ASXL3: variants seen among roughly 807,000 people sequenced by gnomAD.
The protein encoded by ASXL3 is putative Polycomb group protein ASXL3.
ASXL3 carries 34 observed loss-of-function variants against 170.6 expected under a neutral mutation model. That is an observed-to-expected ratio of 0.20 (90% CI 0.15 to 0.27). ASXL3 has a LOEUF of 0.27. Among genes scored for constraint, ASXL3 ranks in the 10% least tolerant of loss-of-function variants. The probability of loss-of-function intolerance (pLI) is 1.00; values close to 1 mark genes in which losing one functional copy is unlikely to be tolerated. For synonymous variants in ASXL3, 1,002 were observed against 989.1 expected (o/e 1.01, Z -0.24); for missense variants, 2,592 against 2,695.3 (o/e 0.96, Z 0.85).
At chr18:33,718,740 T>G (rs975719789) in intron 8 of ASXL3, among the ~76,000 whole-genome samples, 14 of 151,980 alleles carry the variant, frequency 9.2e-5, no homozygotes, top group African/African-American at 3.4e-4. Flanking sequence ...GGAGAATATT[T>G]CTGCCCCTTT....
rs1196764678 is a variant in ASXL3, at chr18:33,671,840, T to C, written c.689T>C (p.Leu230Ser). 5 of 1,609,496 alleles carry C rather than the reference T, an allele frequency of 3.1e-6. No homozygotes were observed. The highest frequency in any genetic ancestry group is 4.2e-6 in the Non-Finnish European group (5 of 1,177,918). The change falls in exon 7 of 12, where the codon TTA becomes TCA. Residue 230 changes from leucine (L) to serine (S), a missense_variant. Leu to Ser is a moderately radical substitution (Grantham distance 145, BLOSUM62 -2). This residue lies in a region of ASXL3 where 251 missense variants were observed against 281.9 expected (regional missense o/e 0.89). Coordinates refer to ENST00000269197, the MANE Select transcript of ASXL3 (RefSeq NM_030632.3). ...ACTGGAAAACAAACAAGTCAGCACT[T>C]AAAACGATTAAAAAAGTCTGGTTTA... ...SPTGKQTSQH[L>S]KRLKKSGLGH...
In ASXL3 at chr18:33,743,904, C is replaced by G. The variant is rs1251520457; in HGVS notation, c.4056C>G (p.Asn1352Lys). The change falls in exon 12 of 12, where the codon AAC becomes AAG. Residue 1352 changes from asparagine (N) to lysine (K), a missense_variant. Physicochemically the swap from Asn to Lys is moderately conservative, Grantham distance 94. This residue lies in a region of ASXL3 where 2,246 missense variants were observed against 2,219.6 expected (regional missense o/e 1.01). Transcript: ENST00000269197. Reference protein sequence around the residue: ...PTPSIGNNLPNLSTSSVLIPP... With the variant: ...PTPSIGNNLPKLSTSSVLIPP... ...CCTCCATCGGAAACAATTTGCCAAA[C>G]CTCTCCACTAGCTCTGTCTTGATTC... The G allele has an allele frequency of 6.2e-7, 1 of 1,614,014 alleles. No homozygotes were observed. The highest frequency in any genetic ancestry group is 1.1e-5 in the South Asian group (1 of 91,084).
chr18:33,721,435 T>C (rs1401304735), intron 8 of ASXL3, among the ~76,000 whole-genome samples: 1 of 152,132 alleles, frequency 6.6e-6, no homozygotes, highest in Non-Finnish European at 1.5e-5. Context: ...TAAATGTGTA[T>C]GCATGTTCCA....
chr18:33,738,555 G>T lies in ASXL3; in HGVS notation c.1151G>T (p.Ser384Ile). The T allele has an allele frequency of 1.2e-6, 2 of 1,613,800 alleles. No individual in the cohort carries two copies. The highest frequency in any genetic ancestry group is 1.7e-6 in the Non-Finnish European group (2 of 1,179,810). Residue 384 changes from serine to isoleucine, a missense_variant, in exon 11 of 12, where the codon AGT becomes ATT. Physicochemically the swap from Ser to Ile is moderately radical, Grantham distance 142 (BLOSUM62 -2). This residue lies in a region of ASXL3 where 2,246 missense variants were observed against 2,219.6 expected (regional missense o/e 1.01). Transcript: ENST00000269197. ...TGPNNAGAQS[S>I]SSCGTSGLPV... is the part of the protein sequence containing the mutation. ...CCAAACAACGCTGGAGCTCAAAGTA[G>T]TTCTTCATGTGGGACTTCTGGCCTT...
Position 33,590,012 on chromosome 18 carries a change from T to G in ASXL3, c.54+11327T>G, listed in dbSNP as rs1259402710. The stretch of plus-strand genomic sequence containing the variant: ...GAAACAAATTTAACTCAAATTAGTT[T>G]AAGGAAAAAGGCTCACATAACTGAG... On this transcript the variant is annotated intron_variant, in intron 1 of 11. Transcript: ENST00000269197. Among the ~76,000 whole-genome samples, 3 of 151,636 alleles carry G rather than the reference T, an allele frequency of 2.0e-5. No individual in the cohort carries two copies. The East Asian group carries it at 5.8e-4, about 29-fold the overall frequency.
At position 33,743,133 on chromosome 18, in the gene ASXL3, G is replaced by T. The variant is rs1568364158; in HGVS notation, c.3285G>T (p.Lys1095Asn). 1 of 1,613,910 alleles carries T rather than the reference G, an allele frequency of 6.2e-7. No individual in the cohort carries two copies. The change falls in exon 12 of 12, where the codon AAG becomes AAT. Residue 1095 changes from lysine (K) to asparagine (N), a missense_variant. This residue lies in a region of ASXL3 where 2,246 missense variants were observed against 2,219.6 expected (regional missense o/e 1.01). Coordinates refer to ENST00000269197, the MANE Select transcript of ASXL3 (RefSeq NM_030632.3). ...GAMGSPGEGG[K>N]TRTLAHIKEQ... ...TGGGAAGTCCAGGAGAGGGTGGAAA[G>T]ACGAGAACTCTGGCACACATCAAAG...
At chr18:33,595,413 TTTA>T (rs1568267884) in intron 1 of ASXL3, among the ~76,000 whole-genome samples, 1 of 152,340 alleles carries the variant, frequency 6.6e-6, no homozygotes, top group East Asian at 1.9e-4. Context: ...CTTAAAAGCA[TTTA>T]TTATATATCC....
intron 10 of ASXL3, among the ~76,000 whole-genome samples, chr18:33,735,751 C>A (rs1287120788): frequency 1.3e-5 from 2 of 151,794 alleles, no homozygotes; most frequent in Non-Finnish European, 2.9e-5. Context: ...TGAGATAGTA[C>A]CTCCAAAGCA....
chr18:33,713,248 G>GTTTTTTTTTTT (rs1226619353), intron 8 of ASXL3, among the ~76,000 whole-genome samples: 9 of 65,086 alleles, frequency 1.4e-4, no homozygotes, highest in Admixed American at 2.0e-4. Context: ...GTTTTGTTTT[G>GTTTTTTTTTTT]TTTTTTTTTT....
rs200861723 is a variant in ASXL3 at position 33,612,198 on chromosome 18, T to TATATAC, written c.137+4523_137+4524insTATACA. ...ATAAAATTAAACATATATATATATA[T>TATATAC]ACACAAACCACACAAAGCAATTAAG... On this transcript the variant is annotated intron_variant, in intron 2 of 11. Transcript: ENST00000269197. 4.8e-3 allele frequency among the ~76,000 whole-genome samples: 737 copies of TATATAC among 151,998 alleles called. 4 individuals carry two copies. Among genetic ancestry groups the TATATAC allele is most frequent in the Non-Finnish European group, 8.2e-3 (556 of 67,946 alleles).
At chr18:33,645,504 A>C (rs2065903812) in intron 3 of ASXL3, among the ~76,000 whole-genome samples, 1 of 152,002 alleles carries the variant, frequency 6.6e-6, no homozygotes, top group Non-Finnish European at 1.5e-5. Context: ...TATGAGAAGA[A>C]GAGAGAAATA....
At chr18:33,685,210 T>G (rs2066574528) in intron 8 of ASXL3, among the ~76,000 whole-genome samples, 1 of 152,174 alleles carries the variant, frequency 6.6e-6, no homozygotes, top group Non-Finnish European at 1.5e-5. Context: ...GAAAGGAATT[T>G]TAGTTTTTCC....
intron 2 of ASXL3, among the ~76,000 whole-genome samples, chr18:33,641,983 A>G (rs2145193987): frequency 6.6e-6 from 1 of 152,164 alleles, no homozygotes. Flanking sequence ...TGAATAAATT[A>G]AAAATAAGAA....
rs573580845 is a variant in ASXL3, at chr18:33,750,360, A to T, written c.*3765A>T. 1.4e-4 allele frequency: 21 copies of T among 152,336 alleles called. No individual in the cohort carries two copies. Among genetic ancestry groups the T allele is most frequent in the African/African-American group, 5.0e-4 (21 of 41,586 alleles). 9.4% of individuals were successfully genotyped at this position (152,336 alleles called of 1,614,324 possible). A position where few individuals can be genotyped will look rare whatever the true frequency, so the allele number is the denominator to read the frequency against. On this transcript the variant is annotated 3_prime_UTR_variant, in exon 12 of 12. Transcript: ENST00000269197. ...TATAGCACATACTATTTCGCTTTGTACTATATTTGATAGTTGCAGAATAAT... is the reference window on the plus strand; with the variant it reads ...TATAGCACATACTATTTCGCTTTGTTCTATATTTGATAGTTGCAGAATAAT...
At chr18:33,683,816 A>G (rs2066551157) in intron 8 of ASXL3, among the ~76,000 whole-genome samples, 1 of 152,174 alleles carries the variant, frequency 6.6e-6, no homozygotes, top group South Asian at 2.1e-4. Context: ...TTACATTGGA[A>G]AGGGAAAACA....
chr18:33,679,791 A>C (rs1007894494), intron 7 of ASXL3, among the ~76,000 whole-genome samples: 1 of 152,094 alleles, frequency 6.6e-6, no homozygotes, highest in Non-Finnish European at 1.5e-5. Context: ...GCAAAGAGTC[A>C]TAATATTATG....
At chr18:33,716,281 G>C (rs954817559) in intron 8 of ASXL3, among the ~76,000 whole-genome samples, 3 of 152,200 alleles carry the variant, frequency 2.0e-5, no homozygotes, top group Non-Finnish European at 4.4e-5. Flanking sequence ...GCAGTGTTCT[G>C]AGCTTTCATG....
In ASXL3 at chr18:33,739,593, C is replaced by T. The variant is rs1207965286; in HGVS notation, c.2189C>T (p.Ser730Leu). The T allele has an allele frequency of 1.9e-6, 3 of 1,614,008 alleles. No individual in the cohort carries two copies. Among genetic ancestry groups the T allele is most frequent in the East Asian group, 4.5e-5 (2 of 44,878 alleles). Residue 730 changes from serine (S) to leucine (L), a missense_variant, in exon 11 of 12, where the codon TCA (serine) becomes TTA (leucine). Ser to Leu is a moderately radical substitution (Grantham distance 145). This residue lies in a region of ASXL3 where 2,246 missense variants were observed against 2,219.6 expected (regional missense o/e 1.01). Coordinates refer to ENST00000269197, the MANE Select transcript of ASXL3 (RefSeq NM_030632.3). ...TTACCTTTAACATCAGAAACTTCTTCAGTGTCTTCCATGCTTCTCACCTCT... is the reference window on the plus strand; with the variant it reads ...TTACCTTTAACATCAGAAACTTCTTTAGTGTCTTCCATGCTTCTCACCTCT... The part of the protein sequence containing the change: ...SDLPLTSETS[S>L]VSSMLLTSET...
chr18:33,702,113 T>A (rs2066883598), intron 8 of ASXL3, among the ~76,000 whole-genome samples: 1 of 152,180 alleles, frequency 6.6e-6, no homozygotes. Context: ...CATTATACCT[T>A]CCTTAATTTA....
Sources: allele counts gnomAD v4.1 joint callset (sites outside exome capture counted in the v4.1 genomes callset), GRCh38; gene constraint gnomAD v4.1.1; regional missense constraint gnomAD v4.1.1; transcripts MANE v1.5; gene names NCBI Gene and HGNC (gene_info 2026-07-23, HGNC 2026-07-21).